RAPGEF5: variants seen among roughly 807,000 people sequenced by gnomAD.
RAPGEF5 encodes M-Ras-regulated GEF.
A neutral mutation model predicts 125.2 loss-of-function variants in RAPGEF5; 65 were observed. The ratio of observed to expected loss-of-function variants is 0.52; its 90% CI spans 0.43 to 0.64. RAPGEF5 has a LOEUF of 0.64. Ranked by LOEUF, RAPGEF5 falls within the 30% of genes least tolerant of loss-of-function variation. The probability of loss-of-function intolerance (pLI) is 0.00; values close to 1 mark genes in which losing one functional copy is unlikely to be tolerated. For missense variants in RAPGEF5, 958 were observed against 1,048.1 expected (o/e 0.91, Z 1.19); for synonymous variants, 391 against 385.9 (o/e 1.01, Z -0.16).
rs559550362 is a variant in RAPGEF5 at position 22,306,780 on chromosome 7, A to G, written c.680+1559T>C. 3.9e-5 allele frequency among the ~76,000 whole-genome samples: 6 copies of G among 152,322 alleles called. No individual in the cohort carries two copies. In the East Asian group the frequency reaches 9.6e-4, roughly 24 times the overall value. ...TTCATTCTTCTGCATGTGGATAGCC[A>G]GTTCTCCCAGCACCATTTATTAAAG... On this transcript the variant is annotated intron_variant, in intron 5 of 25. Coordinates refer to ENST00000665637, the MANE Select transcript of RAPGEF5 (RefSeq NM_012294.5).
At chr7:22,180,783 A>G (rs1170813674) in intron 11 of RAPGEF5, among the ~76,000 whole-genome samples, 9 of 152,124 alleles carry the variant, frequency 5.9e-5, no homozygotes, top group African/African-American at 2.2e-4. Context: ...AGAATACTTA[A>G]CAATATTAAT....
At chr7:22,286,023 A>G (rs1037573804) in intron 6 of RAPGEF5, among the ~76,000 whole-genome samples, 1 of 152,228 alleles carries the variant, frequency 6.6e-6, no homozygotes, top group Non-Finnish European at 1.5e-5. Flanking sequence ...AAGAGTATCA[A>G]GTGTTTTTCT....
chr7:22,130,817 AC>A (rs1236830363), intron 24 of RAPGEF5, among the ~76,000 whole-genome samples: 1 of 152,202 alleles, frequency 6.6e-6, no homozygotes, highest in African/African-American at 2.4e-5. Context: ...TATTTGGTTC[AC>A]AAAAACCTTG....
Position 22,269,069 on chromosome 7 carries a change from T to C in RAPGEF5, c.748-2057A>G, listed in dbSNP as rs181088458. On this transcript the variant is annotated intron_variant, in intron 6 of 25. Transcript: ENST00000665637. Reference sequence around the variant, plus strand: ...TAAAATAAATGAGATTACTGTACTGTACTACACTACATCAACTGAACCTCT... The same window carrying C: ...TAAAATAAATGAGATTACTGTACTGCACTACACTACATCAACTGAACCTCT... Among the ~76,000 whole-genome samples the C allele has an allele frequency of 3.5e-3, 534 of 150,486 alleles. 6 individuals are homozygous for C. Among genetic ancestry groups the C allele is most frequent in the Non-Finnish European group, 4.1e-3 (276 of 67,912 alleles).
chr7:22,202,123 T>C (rs1785292321), intron 9 of RAPGEF5, among the ~76,000 whole-genome samples: 1 of 152,150 alleles, frequency 6.6e-6, no homozygotes, highest in Non-Finnish European at 1.5e-5. Flanking sequence ...AATTCAAGCT[T>C]GAAGTCTGCA....
At chr7:22,240,287 A>T (rs1247876676) in intron 7 of RAPGEF5, among the ~76,000 whole-genome samples, 1 of 151,754 alleles carries the variant, frequency 6.6e-6, no homozygotes, top group Non-Finnish European at 1.5e-5. Flanking sequence ...AACCTTGATA[A>T]ACAAAAATCA....
At chr7:22,182,423 T>G (rs554345758) in intron 11 of RAPGEF5, among the ~76,000 whole-genome samples, 2 of 152,328 alleles carry the variant, frequency 1.3e-5, no homozygotes, top group South Asian at 4.1e-4. Flanking sequence ...CAATATCTTG[T>G]CTTCATGAAT....
intron 16 of RAPGEF5, among the ~76,000 whole-genome samples, chr7:22,155,815 C>A (rs998007435): frequency 6.6e-6 from 1 of 152,298 alleles, no homozygotes; most frequent in East Asian, 1.9e-4. Context: ...CCACTATATG[C>A]AGGGTAAGTT....
At chr7:22,185,406 GTGAAACAAC>G (rs1562747996) in intron 11 of RAPGEF5, among the ~76,000 whole-genome samples, 1 of 152,176 alleles carries the variant, frequency 6.6e-6, no homozygotes, top group Non-Finnish European at 1.5e-5. Flanking sequence ...GCTTTTATAA[GTGAAACAAC>G]TGAGAAAATT....
intron 7 of RAPGEF5, among the ~76,000 whole-genome samples, chr7:22,242,749 C>T (rs533728682): frequency 9.9e-5 from 15 of 151,924 alleles, no homozygotes; most frequent in African/African-American, 1.5e-4. Context: ...GACAGGAGTT[C>T]GAGACCAGCC....
intron 17 of RAPGEF5, among the ~76,000 whole-genome samples, chr7:22,150,867 T>C (rs967729203): frequency 6.6e-6 from 1 of 152,260 alleles, no homozygotes; most frequent in Admixed American, 6.5e-5. Context: ...GATTTTTATA[T>C]AACCATGTAT....
intron 12 of RAPGEF5, 111 bp from the exon 13 acceptor site, chr7:22,162,652 A>G: frequency 1.9e-6 from 2 of 1,077,744 alleles, no homozygotes; most frequent in Non-Finnish European, 2.7e-6. Context: ...ATAAACATGC[A>G]GGAAGAATAG....
rs148106706 is a variant in RAPGEF5 at position 22,118,299 on chromosome 7, T to A, written c.*4107A>T. 1 of 152,412 alleles carries A rather than the reference T, an allele frequency of 6.6e-6. No individual in the cohort carries two copies. Among genetic ancestry groups the A allele is most frequent in the East Asian group, 1.9e-4 (1 of 5,188 alleles). The allele number at this position is 152,412 out of a possible 1,614,324, so 9.4% of individuals were successfully genotyped here. A position where few individuals can be genotyped will look rare whatever the true frequency, so the allele number is the denominator to read the frequency against. ...AGAGAAAGCAAGAAACTAAGAGGCA[T>A]GAATAGTGTCTTTAACATAGTCTCA... On this transcript the variant is annotated 3_prime_UTR_variant, in exon 26 of 26. Transcript: ENST00000665637.
chr7:22,147,262 C>T (rs1783473326), intron 18 of RAPGEF5, among the ~76,000 whole-genome samples: 1 of 152,168 alleles, frequency 6.6e-6, no homozygotes, highest in Non-Finnish European at 1.5e-5. Flanking sequence ...CATCTCTCTC[C>T]CCTACCCCCA....
intron 19 of RAPGEF5, 45 bp downstream of exon 19, chr7:22,146,852 C>A (rs373406901): frequency 3.2e-6 from 5 of 1,584,398 alleles, no homozygotes; most frequent in Non-Finnish European, 4.3e-6. Flanking sequence ...AAAGAATTCA[C>A]AGTTAAAACA....
intron 6 of RAPGEF5, among the ~76,000 whole-genome samples, chr7:22,282,171 C>T (rs1459721531): frequency 2.0e-5 from 3 of 152,086 alleles, no homozygotes; most frequent in Admixed American, 6.5e-5. Flanking sequence ...TTACTTTGAC[C>T]TCCACAGTAC....
intron 6 of RAPGEF5, among the ~76,000 whole-genome samples, chr7:22,269,180 C>CA (rs34791723): frequency 0.27 from 19,581 of 73,832 alleles, 2,096 homozygotes; most frequent in African/African-American, 0.39. Context: ...AAGTTTTTGA[C>CA]AAAAAAAAAA....
intron 25 of RAPGEF5, among the ~76,000 whole-genome samples, chr7:22,124,814 G>A (rs74913975): frequency 0.016 from 2,432 of 152,204 alleles, 43 homozygotes; most frequent in South Asian, 0.067. Context: ...AAGAGAGGGC[G>A]AGGAGGTAAG....
chr7:22,203,149 G>A (rs1785318141), intron 9 of RAPGEF5, among the ~76,000 whole-genome samples: 1 of 152,066 alleles, frequency 6.6e-6, no homozygotes, highest in African/African-American at 2.4e-5. Context: ...AGAGGCAGAG[G>A]GCATCACAGG....
Sources: allele counts gnomAD v4.1 joint callset (sites outside exome capture counted in the v4.1 genomes callset), GRCh38; gene constraint gnomAD v4.1.1; transcripts MANE v1.5; gene names NCBI Gene and HGNC (gene_info 2026-07-23, HGNC 2026-07-21).